LEPR: variants seen among roughly 807,000 people sequenced by gnomAD.
The protein encoded by LEPR is OB receptor.
Under a neutral mutation model 114.7 loss-of-function variants are expected in LEPR, and 56 were observed. The ratio of observed to expected loss-of-function variants is 0.49; its 90% CI spans 0.39 to 0.61. The LOEUF (loss-of-function observed/expected upper bound fraction) is 0.61, where lower values mean the gene tolerates loss of function less well. LEPR is among the 20% of genes least tolerant of loss of function. The pLI is 0.00. For missense variants in LEPR, 1,202 were observed against 1,352.9 expected (o/e 0.89, Z 1.75); for synonymous variants, 443 against 461.4 (o/e 0.96, Z 0.51).
chr1:65,425,440 G>A (rs1347051494), intron 2 of LEPR, 62 bp downstream of exon 2: 4 of 1,408,590 alleles, frequency 2.8e-6, no homozygotes, highest in Non-Finnish European at 3.9e-6. Context: ...ATTAGTATGG[G>A]TGTTAGAGAG....
chr1:65,551,323 C>T lies in LEPR; in HGVS notation c.-20-14223C>T, dbSNP rs926155113. ...TCCTCTTTGTACCTCTGGTAGAATT[C>T]GGCTGTGAATCTGTCTGGTCCTGGG... On this transcript the variant is annotated intron_variant, in intron 2 of 19. Transcript: ENST00000349533. Among the ~76,000 whole-genome samples, 7 of 151,980 alleles carry T rather than the reference C, an allele frequency of 4.6e-5. No homozygotes were observed. In the East Asian group the frequency reaches 5.8e-4, roughly 13 times the overall value.
chr1:65,487,240 C>G (rs1329908762), intron 2 of LEPR, among the ~76,000 whole-genome samples: 1 of 152,106 alleles, frequency 6.6e-6, no homozygotes, highest in African/African-American at 2.4e-5. Context: ...TCACTTTTTG[C>G]TGCTGCGAAG....
chr1:65,499,746 C>T (rs768266033), intron 2 of LEPR, among the ~76,000 whole-genome samples: 9 of 152,130 alleles, frequency 5.9e-5, no homozygotes, highest in Non-Finnish European at 1.2e-4. Flanking sequence ...TAATACCTCC[C>T]AGTATTCCTT....
At chr1:65,573,301 A>G (rs1335238080) in intron 5 of LEPR, among the ~76,000 whole-genome samples, 1 of 152,206 alleles carries the variant, frequency 6.6e-6, no homozygotes, top group East Asian at 1.9e-4. Context: ...TACCTTACAA[A>G]GATATTGCAG....
chr1:65,464,788 C>T (rs745790064), intron 2 of LEPR, among the ~76,000 whole-genome samples: 6 of 152,206 alleles, frequency 3.9e-5, no homozygotes, highest in Non-Finnish European at 8.8e-5. Flanking sequence ...TAATCCATTT[C>T]TTCTAGATTT....
rs982595176 is a variant in LEPR, at chr1:65,435,810, G to T, written c.-21+10432G>T. On this transcript the variant is annotated intron_variant, in intron 2 of 19. Coordinates refer to ENST00000349533, the MANE Select transcript of LEPR (RefSeq NM_002303.6). Reference sequence around the variant, plus strand: ...TGTCTGTAGTAGATAAATATTAGTTGTGCATTTTAATTTAATTCTCCTTTT... The same window carrying T: ...TGTCTGTAGTAGATAAATATTAGTTTTGCATTTTAATTTAATTCTCCTTTT... 5 of 982,486 alleles carry T rather than the reference G, an allele frequency of 5.1e-6. No individual in the cohort carries two copies. In the South Asian group the frequency reaches 2.4e-4, roughly 46 times the overall value. 60.9% of individuals were successfully genotyped at this position (982,486 alleles called of 1,614,324 possible).
chr1:65,421,530 C>T (rs1357757621), intron 1 of LEPR: 8 of 1,520,414 alleles, frequency 5.3e-6, no homozygotes, highest in South Asian at 2.4e-5. Context: ...GCTTTTATAT[C>T]ATCCTTGAAA....
intron 2 of LEPR, among the ~76,000 whole-genome samples, chr1:65,457,852 A>G (rs756138331): frequency 1.3e-5 from 2 of 152,192 alleles, no homozygotes; most frequent in Admixed American, 1.3e-4. Flanking sequence ...CTACTCATGT[A>G]ATTTCAAAGC....
rs931740883 is a variant in LEPR, at chr1:65,431,728, C to A, written c.-21+6350C>A. On this transcript the variant is annotated intron_variant, in intron 2 of 19. Transcript: ENST00000349533. The stretch of plus-strand genomic sequence containing the variant: ...AACATTTCATTGGATGTTTCTAATG[C>A]AGAAAATAATAGGGATTGCAAAGAG... The A allele has an allele frequency of 1.1e-5, 16 of 1,452,448 alleles. No homozygotes were observed. In the African/African-American group the frequency reaches 2.3e-4, roughly 21 times the overall value. 90.0% of individuals were successfully genotyped at this position (1,452,448 alleles called of 1,614,324 possible). A position where few individuals can be genotyped will look rare whatever the true frequency, so the allele number is the denominator to read the frequency against.
chr1:65,474,985 C>G lies in LEPR; in HGVS notation c.-21+49607C>G, dbSNP rs372404331. ...TCGCACCATTGTACTCCAGTCTGGGCGACAGTGCGAGACTCCATCTCAAAA... is the reference window on the plus strand; with the variant it reads ...TCGCACCATTGTACTCCAGTCTGGGGGACAGTGCGAGACTCCATCTCAAAA... On this transcript the variant is annotated intron_variant, in intron 2 of 19. Coordinates refer to ENST00000349533, the MANE Select transcript of LEPR (RefSeq NM_002303.6). 2.6e-3 allele frequency among the ~76,000 whole-genome samples: 299 copies of G among 114,498 alleles called. 4 individuals are homozygous for G. The highest frequency in any genetic ancestry group is 0.01 in the African/African-American group (290 of 28,950). The allele number at this position is 114,498 out of a possible 152,430, so 75.1% of individuals were successfully genotyped here. A position where few individuals can be genotyped will look rare whatever the true frequency, so the allele number is the denominator to read the frequency against.
At chr1:65,584,875 T>C (rs1440919379) in intron 5 of LEPR, among the ~76,000 whole-genome samples, 2 of 152,098 alleles carry the variant, frequency 1.3e-5, no homozygotes, top group Admixed American at 1.3e-4. Flanking sequence ...TTTCCATTTA[T>C]TTGGTGATAT....
intron 2 of LEPR, among the ~76,000 whole-genome samples, chr1:65,474,029 T>G (rs1236283451): frequency 6.6e-6 from 1 of 152,244 alleles, no homozygotes. Flanking sequence ...AGTATCTTTA[T>G]CCAAGTTGTT....
chr1:65,520,546 G>A (rs560765114), intron 2 of LEPR, among the ~76,000 whole-genome samples: 1 of 152,136 alleles, frequency 6.6e-6, no homozygotes, highest in Non-Finnish European at 1.5e-5. Context: ...TCCTATGAAT[G>A]ATGTTAACAT....
chr1:65,430,627 C>T (rs749526095), intron 2 of LEPR, among the ~76,000 whole-genome samples: 1 of 152,126 alleles, frequency 6.6e-6, no homozygotes, highest in African/African-American at 2.4e-5. Flanking sequence ...CCTCCAATTA[C>T]GTTCTATTTT....
intron 2 of LEPR, among the ~76,000 whole-genome samples, chr1:65,451,303 T>C (rs1646781418): frequency 6.6e-6 from 1 of 151,972 alleles, no homozygotes; most frequent in Non-Finnish European, 1.5e-5. Flanking sequence ...TTGTCAATTT[T>C]GGCTTTTGTT....
intron 2 of LEPR, chr1:65,432,526 A>T: frequency 1.3e-6 from 1 of 773,282 alleles, no homozygotes; most frequent in Non-Finnish European, 1.6e-6. Flanking sequence ...TCCAGTGGCT[A>T]AACCACTTAA....
In LEPR at chr1:65,549,327, C is replaced by G. The variant is rs1029258774; in HGVS notation, c.-20-16219C>G. 2.1e-4 allele frequency among the ~76,000 whole-genome samples: 32 copies of G among 150,940 alleles called. No individual in the cohort carries two copies. The South Asian group carries it at 3.1e-3, about 15-fold the overall frequency. The stretch of plus-strand genomic sequence containing the variant: ...TCGAGGAGTATCTTTGTGGCGTTCT[C>G]TGTATTTCCTGAATCTGAATGTTGG... On this transcript the variant is annotated intron_variant, in intron 2 of 19. Coordinates refer to ENST00000349533, the MANE Select transcript of LEPR (RefSeq NM_002303.6).
chr1:65,512,421 A>G (rs956869468), intron 2 of LEPR, among the ~76,000 whole-genome samples: 1 of 152,182 alleles, frequency 6.6e-6, no homozygotes, highest in African/African-American at 2.4e-5. Context: ...AAGCAGCCTC[A>G]TGGAGTTCCA....
rs1658586610 is a variant in LEPR at position 65,633,056 on chromosome 1, C to T, written c.2674-3135C>T. 1.0e-6 allele frequency: 1 copy of T among 989,206 alleles called. No homozygotes were observed. Among genetic ancestry groups the T allele is most frequent in the Non-Finnish European group, 1.5e-6 (1 of 645,748 alleles). The allele number at this position is 989,206 out of a possible 1,614,324, so 61.3% of individuals were successfully genotyped here. On this transcript the variant is annotated intron_variant, in intron 19 of 19. Transcript: ENST00000349533. This position sits in a 1 kb window ranked among gnomAD's most constrained non-coding sequence, Gnocchi z 4.1. ...TAACACAAAAATTTATAGTCCAGAA[C>T]CCATGCTTGACAATGTTTTTTGAAA...
Sources: allele counts gnomAD v4.1 joint callset (sites outside exome capture counted in the v4.1 genomes callset), GRCh38; gene constraint gnomAD v4.1.1; non-coding constraint Gnocchi (gnomAD v3.1); transcripts MANE v1.5; gene names NCBI Gene and HGNC (gene_info 2026-07-23, HGNC 2026-07-21).